ADAM19: variants seen among roughly 807,000 people sequenced by gnomAD.
ADAM19 encodes the protein disintegrin and metalloproteinase domain-containing protein 19.
ADAM19 carries 65 observed loss-of-function variants against 114.7 expected under a neutral mutation model. That is an observed-to-expected ratio of 0.57 (90% CI 0.46 to 0.70). The LOEUF is 0.70. Ranked by LOEUF, ADAM19 falls within the 30% of genes least tolerant of loss-of-function variation. The pLI, the probability that ADAM19 is intolerant of heterozygous loss-of-function variation, is 0.00. For missense variants in ADAM19, 1,063 were observed against 1,204.7 expected (o/e 0.88, Z 1.74); for synonymous variants, 466 against 460.5 (o/e 1.01, Z -0.15).
intron 1 of ADAM19, 78 bp from the exon 2 acceptor site, chr5:157,571,058 G>T: frequency 8.0e-7 from 1 of 1,250,410 alleles, no homozygotes; most frequent in Non-Finnish European, 1.1e-6. Flanking sequence ...CTTTCTGTGA[G>T]CTGCCCCTGC....
At chr5:157,549,752 C>A (rs1757138434) in intron 3 of ADAM19, among the ~76,000 whole-genome samples, 1 of 152,230 alleles carries the variant, frequency 6.6e-6, no homozygotes, top group Admixed American at 6.5e-5. Context: ...CATGCCTAGT[C>A]TCTACAGCAC....
chr5:157,510,415 G>A (rs1204216983), intron 8 of ADAM19, among the ~76,000 whole-genome samples: 9 of 152,288 alleles, frequency 5.9e-5, no homozygotes, highest in East Asian at 1.9e-4. Flanking sequence ...CAGGGGTTGC[G>A]GTGAGCCAAG....
chr5:157,486,560 C>A (rs1318599228), intron 21 of ADAM19, among the ~76,000 whole-genome samples: 2 of 152,130 alleles, frequency 1.3e-5, no homozygotes, highest in Non-Finnish European at 2.9e-5. Flanking sequence ...CCTGACACTT[C>A]CTGACCTACG....
intron 4 of ADAM19, among the ~76,000 whole-genome samples, chr5:157,535,553 T>C (rs1756739337): frequency 1.3e-5 from 2 of 152,166 alleles, no homozygotes; most frequent in Non-Finnish European, 2.9e-5. Context: ...AAACAATGAG[T>C]TGTCCATCCC....
intron 13 of ADAM19, among the ~76,000 whole-genome samples, chr5:157,497,570 T>TACACACACACAC (rs5872512): frequency 5.1e-5 from 6 of 116,756 alleles, no homozygotes; most frequent in African/African-American, 1.5e-4. Flanking sequence ...GGCCCACTAA[T>TACACACACACAC]ACACACACAC....
At chr5:157,533,041 C>T (rs549856486) in intron 4 of ADAM19, among the ~76,000 whole-genome samples, 11 of 152,274 alleles carry the variant, frequency 7.2e-5, no homozygotes, top group South Asian at 2.1e-4. Flanking sequence ...GGCCTCAAGG[C>T]GCCTGGAAGC....
rs188610615 is a variant in ADAM19 at position 157,574,013 on chromosome 5, T to G, written c.94+1590A>C. Among the ~76,000 whole-genome samples the G allele has an allele frequency of 7.2e-4, 110 of 152,318 alleles. 1 individual carries two copies. Among genetic ancestry groups the G allele is most frequent in the African/African-American group, 2.6e-3 (107 of 41,566 alleles). On this transcript the variant is annotated intron_variant, in intron 1 of 22. Coordinates refer to ENST00000257527, the MANE Select transcript of ADAM19 (RefSeq NM_033274.5). ...GTTTTTAACTTTTGAAAACTTTGTA[T>G]AGAGTCATTAAAATCATGTTTTACA... is the stretch of plus-strand genomic sequence containing the variant.
At chr5:157,555,189 C>T (rs999346384) in intron 3 of ADAM19, among the ~76,000 whole-genome samples, 14 of 152,220 alleles carry the variant, frequency 9.2e-5, no homozygotes, top group African/African-American at 2.7e-4. Flanking sequence ...CACTGCTCCA[C>T]ACCTCAGGGT....
At chr5:157,573,409 T>C (rs867038651) in intron 1 of ADAM19, among the ~76,000 whole-genome samples, 4 of 152,180 alleles carry the variant, frequency 2.6e-5, no homozygotes, top group Admixed American at 2.0e-4. Flanking sequence ...TATATATCTA[T>C]AGAATTCTGT....
At position 157,481,017 on chromosome 5, in the gene ADAM19, A is replaced by C. The variant is rs976543734; in HGVS notation, c.2704-15T>G. 6 of 1,613,940 alleles carry C rather than the reference A, an allele frequency of 3.7e-6. No individual in the cohort carries two copies. In the Admixed American group the frequency reaches 1.0e-4, roughly 27 times the overall value. ...TATTCTGGAAACTGGGAAGAAAAAG[A>C]AGGGAGGGAGAGAGACATCAGCTTG... On this transcript the variant is annotated splice_polypyrimidine_tract_variant and intron_variant, in intron 22 of 22. Coordinates refer to ENST00000257527, the MANE Select transcript of ADAM19 (RefSeq NM_033274.5).
intron 11 of ADAM19, among the ~76,000 whole-genome samples, chr5:157,503,196 C>T (rs1408037045): frequency 6.6e-6 from 1 of 152,136 alleles, no homozygotes; most frequent in African/African-American, 2.4e-5. Flanking sequence ...TTAGTAGGGA[C>T]ATGGATGAAG....
At chr5:157,499,717 AT>A in intron 12 of ADAM19, 55 bp from the exon 13 acceptor site, 1 of 1,254,206 alleles carries the variant, frequency 8.0e-7, no homozygotes, top group Non-Finnish European at 1.1e-6. Flanking sequence ...CACCCCCAAC[AT>A]TTTCCCCACC....
chr5:157,530,786 T>C lies in ADAM19; in HGVS notation c.407+21A>G, dbSNP rs377029984. ...CCTGGGGAGAGTGCCCGGTGCCACC[T>C]GCAGCCTCAGGGTCTCTTACCTAAT... On this transcript the variant is annotated intron_variant, in intron 5 of 22. Transcript: ENST00000257527. The C allele has an allele frequency of 3.4e-5, 55 of 1,610,354 alleles. No homozygotes were observed. In the African/African-American group the frequency reaches 5.9e-4, roughly 17 times the overall value.
intron 8 of ADAM19, 133 bp from the exon 9 acceptor site, chr5:157,509,600 A>C (rs905470071): frequency 7.7e-6 from 6 of 780,290 alleles, no homozygotes; most frequent in Non-Finnish European, 1.1e-5. Flanking sequence ...AAATTTAAAA[A>C]AAAAGCTCCT....
chr5:157,524,924 G>A (rs1311015130), intron 5 of ADAM19, among the ~76,000 whole-genome samples: 1 of 152,192 alleles, frequency 6.6e-6, no homozygotes, highest in Admixed American at 6.5e-5. Flanking sequence ...TGTTTTATTC[G>A]ATAGCCATTC....
At chr5:157,517,855 T>C (rs1474106433) in intron 7 of ADAM19, among the ~76,000 whole-genome samples, 5 of 152,204 alleles carry the variant, frequency 3.3e-5, no homozygotes, top group Non-Finnish European at 7.3e-5. Flanking sequence ...TGCCTTTAGG[T>C]CAGTGGTTCT....
Position 157,558,671 on chromosome 5 carries a change from A to C in ADAM19, c.251+5702T>G, listed in dbSNP as rs542317094. On this transcript the variant is annotated intron_variant, in intron 3 of 22. Transcript: ENST00000257527. ...TGTTAAAGTCTACTCTTGACCTGGG[A>C]GGAAGCTGGGAGGGTGGAGGTGGGG... Among the ~76,000 whole-genome samples, 3 of 152,274 alleles carry C rather than the reference A, an allele frequency of 2.0e-5. No homozygotes were observed. In the East Asian group the frequency reaches 5.8e-4, roughly 29 times the overall value.
chr5:157,541,074 G>A (rs914815088), intron 3 of ADAM19, among the ~76,000 whole-genome samples: 4 of 152,034 alleles, frequency 2.6e-5, no homozygotes, highest in South Asian at 2.1e-4. Flanking sequence ...GTCCACATAC[G>A]CCCATGTGTC....
intron 13 of ADAM19, among the ~76,000 whole-genome samples, chr5:157,497,822 G>A (rs551484618): frequency 6.6e-6 from 1 of 152,178 alleles, no homozygotes; most frequent in Non-Finnish European, 1.5e-5. Context: ...CAGCCTCCCT[G>A]GGTAGTCGGT....
Sources: gnomAD v4.1 joint callset for allele counts (sites outside exome capture counted in the v4.1 genomes callset) on GRCh38, gnomAD v4.1.1 for gene constraint, MANE v1.5 for transcripts, NCBI Gene and HGNC (gene_info 2026-07-23, HGNC 2026-07-21) for gene names.